The following RABGAP1L variants were observed in gnomAD, a reference collection of about 807,000 sequenced individuals.
RABGAP1L encodes the protein rab GTPase-activating protein 1-like.
A neutral mutation model predicts 137.7 loss-of-function variants in RABGAP1L; 63 were observed. The observed-to-expected ratio is 0.46, with a 90% confidence interval of 0.37 to 0.56. The LOEUF is 0.56. Among genes scored for constraint, RABGAP1L ranks in the 20% least tolerant of loss-of-function variants. The pLI is 0.00. For missense variants in RABGAP1L, 1,095 were observed against 1,244.0 expected (o/e 0.88, Z 1.80); for synonymous variants, 431 against 433.7 (o/e 0.99, Z 0.08).
intron 3 of RABGAP1L, among the ~76,000 whole-genome samples, chr1:174,228,718 T>G (rs1488891384): frequency 1.3e-5 from 2 of 152,154 alleles, no homozygotes; most frequent in African/African-American, 2.4e-5. Context: ...AGTATAATAT[T>G]TAGGAGCTGC....
intron 13 of RABGAP1L, among the ~76,000 whole-genome samples, chr1:174,634,202 A>G (rs1171345746): frequency 1.4e-5 from 2 of 141,310 alleles, no homozygotes; most frequent in Non-Finnish European, 3.0e-5. Flanking sequence ...AAAACAAACA[A>G]CCCATCAAAA....
chr1:174,713,173 A>G (rs767904761), intron 17 of RABGAP1L, among the ~76,000 whole-genome samples: 3 of 152,214 alleles, frequency 2.0e-5, no homozygotes, highest in Non-Finnish European at 4.4e-5. Context: ...AACAATGTCA[A>G]TGAGATTAGA....
chr1:174,744,089 G>GT (rs1491409979), intron 17 of RABGAP1L, among the ~76,000 whole-genome samples: 1 of 18,354 alleles, frequency 5.4e-5, no homozygotes, highest in East Asian at 2.5e-3. Context: ...TGTGAAATAC[G>GT]TAAAAAAAAA....
At chr1:174,432,785 C>T (rs1400383488) in intron 13 of RABGAP1L, among the ~76,000 whole-genome samples, 1 of 152,174 alleles carries the variant, frequency 6.6e-6, no homozygotes, top group Non-Finnish European at 1.5e-5. Context: ...ATCCACCTGC[C>T]TCGGCCTCTG....
At chr1:174,355,347 G>C (rs1683536300) in intron 11 of RABGAP1L, among the ~76,000 whole-genome samples, 1 of 151,470 alleles carries the variant, frequency 6.6e-6, no homozygotes, top group African/African-American at 2.4e-5. Flanking sequence ...ATCATTCTCA[G>C]CAAACTATCG....
intron 18 of RABGAP1L, among the ~76,000 whole-genome samples, chr1:174,766,830 T>C (rs1685706843): frequency 6.6e-6 from 1 of 152,164 alleles, no homozygotes; most frequent in Non-Finnish European, 1.5e-5. Context: ...ACATGCCTCA[T>C]TATGCCATCT....
intron 19 of RABGAP1L, chr1:174,875,709 A>G: frequency 1.0e-6 from 1 of 984,616 alleles, no homozygotes. Context: ...TAAGGAGTTT[A>G]AAAGGTATGA....
intron 19 of RABGAP1L, chr1:174,892,728 CTTTCTT>C: frequency 6.3e-5 from 25 of 395,420 alleles, no homozygotes; most frequent in South Asian, 7.7e-5. Context: ...TCTTTGTTTT[CTTTCTT>C]TTTTTTTTTT....
chr1:174,797,616 A>G (rs1573238816), intron 18 of RABGAP1L, among the ~76,000 whole-genome samples: 2 of 42,948 alleles, frequency 4.7e-5, no homozygotes, highest in Non-Finnish European at 8.5e-5. Flanking sequence ...TGTAGTGTGG[A>G]GTGGGAGTGT....
intron 17 of RABGAP1L, among the ~76,000 whole-genome samples, chr1:174,750,867 G>C (rs1396830292): frequency 6.6e-6 from 1 of 152,158 alleles, no homozygotes; most frequent in Non-Finnish European, 1.5e-5. Flanking sequence ...TGGAGAACAG[G>C]GCAGTAGGTC....
chr1:174,388,156 A>AT (rs1686955702), intron 12 of RABGAP1L, among the ~76,000 whole-genome samples: 1 of 152,072 alleles, frequency 6.6e-6, no homozygotes. Flanking sequence ...TTGGGGAAAT[A>AT]TTTTTTAAAG....
intron 18 of RABGAP1L, among the ~76,000 whole-genome samples, chr1:174,810,851 A>T (rs969723980): frequency 6.6e-6 from 1 of 152,104 alleles, no homozygotes; most frequent in Admixed American, 6.5e-5. Flanking sequence ...TAATCCCAGC[A>T]CTTTGGGAGG....
chr1:174,841,305 T>C (rs997342549), intron 19 of RABGAP1L, among the ~76,000 whole-genome samples: 4 of 152,034 alleles, frequency 2.6e-5, no homozygotes, highest in Non-Finnish European at 5.9e-5. Flanking sequence ...GCAATAAAAG[T>C]AGAACTTAGG....
intron 13 of RABGAP1L, among the ~76,000 whole-genome samples, chr1:174,540,365 G>T (rs150459631): frequency 0.023 from 3,575 of 152,220 alleles, 134 homozygotes; most frequent in African/African-American, 0.082. Context: ...TGAAGTCCTT[G>T]CCCATGCCAA....
intron 20 of RABGAP1L, 183 bp downstream of exon 20, chr1:174,957,732 T>A: frequency 1.1e-6 from 1 of 872,832 alleles, no homozygotes; most frequent in Non-Finnish European, 1.8e-6. Flanking sequence ...CCTTTTTTTT[T>A]TTTTTTTTTT....
rs1672180463 is a variant in RABGAP1L, at chr1:174,993,382, A to G, written c.*3381A>G. ...CTTTGTATGGATGTGGGGATATTTAATAGTATGTATCTTGTTTCATTTTTT... is the reference window on the plus strand; with the variant it reads ...CTTTGTATGGATGTGGGGATATTTAGTAGTATGTATCTTGTTTCATTTTTT... On this transcript the variant is annotated 3_prime_UTR_variant, in exon 26 of 26. Transcript: ENST00000681986. 6.6e-6 allele frequency: 1 copy of G among 151,740 alleles called. No individual in the cohort carries two copies. Among genetic ancestry groups the G allele is most frequent in the African/African-American group, 2.4e-5 (1 of 41,022 alleles). 9.4% of individuals were successfully genotyped at this position (151,740 alleles called of 1,614,324 possible). A position where few individuals can be genotyped will look rare whatever the true frequency, so the allele number is the denominator to read the frequency against.
At chr1:174,731,252 G>A (rs1169092311) in intron 17 of RABGAP1L, among the ~76,000 whole-genome samples, 3 of 152,182 alleles carry the variant, frequency 2.0e-5, no homozygotes, top group Non-Finnish European at 4.4e-5. Context: ...GAATACAAGC[G>A]TGAGCCACCG....
intron 1 of RABGAP1L, among the ~76,000 whole-genome samples, chr1:174,215,572 G>A (rs568057729): frequency 9.1e-4 from 138 of 152,224 alleles, no homozygotes; most frequent in Non-Finnish European, 1.6e-3. Context: ...ATGAAAAGGT[G>A]CTTAGCAACA....
intron 13 of RABGAP1L, among the ~76,000 whole-genome samples, chr1:174,406,032 A>C (rs1649227644): frequency 6.6e-6 from 1 of 152,078 alleles, no homozygotes; most frequent in African/African-American, 2.4e-5. Context: ...TTAATGAAAG[A>C]GGTTCTTTAA....
Sources: gnomAD v4.1 joint callset for allele counts (sites outside exome capture counted in the v4.1 genomes callset) on GRCh38, gnomAD v4.1.1 for gene constraint, MANE v1.5 for transcripts, NCBI Gene and HGNC (gene_info 2026-07-23, HGNC 2026-07-21) for gene names.